Variants in VAV3 observed in about 807,000 individuals in gnomAD.
VAV3 encodes vav guanine nucleotide exchange factor 3.
In VAV3, 94 loss-of-function variants were observed where a neutral mutation model predicts 131.2. That is an observed-to-expected ratio of 0.72 (90% CI 0.61 to 0.85). The LOEUF is 0.85. Ranked by LOEUF, VAV3 falls within the 40% of genes least tolerant of loss-of-function variation. VAV3 has a pLI of 0.00. For missense variants in VAV3, 939 were observed against 1,002.7 expected (o/e 0.94, Z 0.86); for synonymous variants, 349 against 342.0 (o/e 1.02, Z -0.22).
intron 20 of VAV3, among the ~76,000 whole-genome samples, chr1:107,631,282 C>A (rs907610446): frequency 6.6e-6 from 1 of 151,764 alleles, no homozygotes; most frequent in African/African-American, 2.4e-5. Context: ...ACCTTTATAA[C>A]TAAAATTGTA....
chr1:107,896,391 G>A (rs1004900808), intron 1 of VAV3, among the ~76,000 whole-genome samples: 53 of 151,640 alleles, frequency 3.5e-4, no homozygotes, highest in Admixed American at 5.9e-4. Flanking sequence ...CAAATTAATC[G>A]CACAGCAGCC....
intron 23 of VAV3, 85 bp downstream of exon 23, chr1:107,602,962 C>T: frequency 9.4e-7 from 1 of 1,061,564 alleles, no homozygotes; most frequent in South Asian, 1.7e-5. Flanking sequence ...CTTTGGTTTT[C>T]ACCTTCAGTG....
chr1:107,614,479 TA>T (rs141884557), intron 21 of VAV3, among the ~76,000 whole-genome samples: 290 of 149,588 alleles, frequency 1.9e-3, no homozygotes, highest in East Asian at 3.1e-3. Context: ...GCCCTATAAT[TA>T]AAAAAAAAAT....
intron 1 of VAV3, among the ~76,000 whole-genome samples, chr1:107,913,813 T>G (rs1438318713): frequency 6.6e-6 from 1 of 152,188 alleles, no homozygotes; most frequent in African/African-American, 2.4e-5. Context: ...ATTATTATTT[T>G]GAGGTGGAGT....
chr1:107,772,826 T>C lies in VAV3; in HGVS notation c.464A>G (p.Asp155Gly), dbSNP rs774039022. ...PDLIDETLVE[D>G]EEDLYDCVYG... The stretch of plus-strand genomic sequence containing the variant: ...AACACAGTCATAGAGATCTTCTTCA[T>C]CTTCCACAAGGGTTTCACTACAACA... Residue 155 changes from aspartate to glycine, a missense_variant, in exon 5 of 27, where the codon GAT becomes GGT. Transcript: ENST00000370056. 1.9e-6 allele frequency: 3 copies of C among 1,613,608 alleles called. No individual in the cohort carries two copies. The highest frequency in any genetic ancestry group is 2.5e-6 in the Non-Finnish European group (3 of 1,179,772).
At chr1:107,614,529 T>G (rs1308977416) in intron 21 of VAV3, among the ~76,000 whole-genome samples, 1 of 152,016 alleles carries the variant, frequency 6.6e-6, no homozygotes, top group Non-Finnish European at 1.5e-5. Flanking sequence ...AAGTAGCTAC[T>G]AATATAAAAC....
chr1:107,950,513 A>G (rs12133389), intron 1 of VAV3, among the ~76,000 whole-genome samples: 23,024 of 152,148 alleles, frequency 0.15, 1,869 homozygotes, highest in South Asian at 0.22. Context: ...CAGAAAGCCA[A>G]GAGGGTGTTG....
intron 1 of VAV3, among the ~76,000 whole-genome samples, chr1:107,921,238 T>C (rs1283113454): frequency 6.6e-6 from 1 of 152,244 alleles, no homozygotes; most frequent in Non-Finnish European, 1.5e-5. Context: ...ATCCTTCCTC[T>C]GGGCCTTCAC....
At chr1:107,892,204 T>C (rs1397503797) in intron 1 of VAV3, among the ~76,000 whole-genome samples, 1 of 152,212 alleles carries the variant, frequency 6.6e-6, no homozygotes, top group Non-Finnish European at 1.5e-5. Flanking sequence ...AGTCTTGGTT[T>C]GTCCTTTTAT....
rs1227337132 is a variant in VAV3, at chr1:107,785,381, C to T, written c.322-5889G>A. The T allele has an allele frequency of 4.7e-6, 6 of 1,264,314 alleles. No individual in the cohort carries two copies. In the Admixed American group the frequency reaches 1.2e-4, roughly 24 times the overall value. The allele number at this position is 1,264,314 out of a possible 1,614,324, so 78.3% of individuals were successfully genotyped here. A position where few individuals can be genotyped will look rare whatever the true frequency, so the allele number is the denominator to read the frequency against. On this transcript the variant is annotated intron_variant, in intron 2 of 26. Coordinates refer to ENST00000370056, the MANE Select transcript of VAV3 (RefSeq NM_006113.5). ...CTGAAATCTCACCACTTAACCCATA[C>T]CAGACCCAAAAGGAAAGGCCGGGTT...
intron 5 of VAV3, among the ~76,000 whole-genome samples, chr1:107,771,224 A>G (rs1458687361): frequency 6.6e-6 from 1 of 151,226 alleles, no homozygotes; most frequent in African/African-American, 2.4e-5. Context: ...ATCTGATGGA[A>G]TTGGGTTCAA....
intron 2 of VAV3, among the ~76,000 whole-genome samples, chr1:107,832,275 C>T (rs968232601): frequency 6.6e-6 from 1 of 152,240 alleles, no homozygotes; most frequent in South Asian, 2.1e-4. Flanking sequence ...AGATGTCTCT[C>T]TCCTTCAGCT....
intron 15 of VAV3, among the ~76,000 whole-genome samples, chr1:107,746,018 T>A (rs1663321602): frequency 6.6e-6 from 1 of 152,220 alleles, no homozygotes; most frequent in Admixed American, 6.5e-5. Flanking sequence ...CAGGAGTTAT[T>A]TTCTTTTATT....
chr1:107,668,802 A>AT, intron 19 of VAV3: 1 of 985,174 alleles, frequency 1.0e-6, no homozygotes, highest in Middle Eastern at 5.2e-4. Flanking sequence ...TTTAGCTTAT[A>AT]TTTTTAGGAG....
intron 20 of VAV3, among the ~76,000 whole-genome samples, chr1:107,632,035 T>A (rs1420339969): frequency 6.6e-6 from 1 of 152,148 alleles, no homozygotes; most frequent in African/African-American, 2.4e-5. Flanking sequence ...TAGTTCTAGA[T>A]CCCTGAGGAA....
chr1:107,638,943 C>T (rs575102095), intron 20 of VAV3, among the ~76,000 whole-genome samples: 18 of 151,840 alleles, frequency 1.2e-4, no homozygotes, highest in African/African-American at 3.1e-4. Flanking sequence ...TACACACACA[C>T]GGCATATATA....
chr1:107,773,806 G>A (rs1440944360), intron 4 of VAV3, among the ~76,000 whole-genome samples: 3 of 152,154 alleles, frequency 2.0e-5, no homozygotes, highest in Non-Finnish European at 2.9e-5. Context: ...TCAAAGGATA[G>A]GAAGGTCTGG....
chr1:107,617,446 C>T (rs573059781), intron 21 of VAV3, 121 bp downstream of exon 21: 1 of 730,250 alleles, frequency 1.4e-6, no homozygotes, highest in Admixed American at 3.2e-5. Flanking sequence ...AATGATTCTT[C>T]CAGAAAATAT....
intron 22 of VAV3, among the ~76,000 whole-genome samples, chr1:107,606,410 A>C (rs994287492): frequency 2.6e-5 from 4 of 152,090 alleles, no homozygotes; most frequent in African/African-American, 9.7e-5. Flanking sequence ...TTTCGTGATA[A>C]TGTGTTTTTT....
Sources: allele counts gnomAD v4.1 joint callset (sites outside exome capture counted in the v4.1 genomes callset), GRCh38; gene constraint gnomAD v4.1.1; transcripts MANE v1.5; gene names NCBI Gene and HGNC (gene_info 2026-07-23, HGNC 2026-07-21).